Variants in CSGALNACT1 observed in about 807,000 individuals in gnomAD.
CSGALNACT1 encodes chondroitin sulfate N-acetylgalactosaminyltransferase 1, also known as beta4GalNAcT-1.
In CSGALNACT1, 52 loss-of-function variants were observed where a neutral mutation model predicts 51.0. That is an observed-to-expected ratio of 1.02 (90% CI 0.82 to 1.29). The LOEUF is 1.29. Ranked by LOEUF, CSGALNACT1 falls within the 50% of genes most tolerant of loss-of-function variation. CSGALNACT1 has a pLI of 0.00. For missense variants in CSGALNACT1, 935 were observed against 679.2 expected (o/e 1.38, Z -4.19); for synonymous variants, 341 against 254.4 (o/e 1.34, Z -3.24).
At chr8:19,742,881 C>T (rs1278710322) in intron 1 of CSGALNACT1, among the ~76,000 whole-genome samples, 2 of 152,236 alleles carry the variant, frequency 1.3e-5, no homozygotes, top group Non-Finnish European at 2.9e-5. Flanking sequence ...TGTTCCACTT[C>T]TGCCACTGGC....
chr8:19,422,599 T>C (rs565250902), intron 6 of CSGALNACT1, among the ~76,000 whole-genome samples: 56 of 152,248 alleles, frequency 3.7e-4, no homozygotes, highest in Admixed American at 2.6e-3. Context: ...GGTGCCCCCA[T>C]TGCACATTTT....
chr8:19,420,582 A>C, intron 6 of CSGALNACT1, 64 bp from the exon 6 acceptor site: 1 of 1,524,866 alleles, frequency 6.6e-7, no homozygotes, highest in Non-Finnish European at 9.1e-7. Context: ...CCCTGAGAAA[A>C]TATGTAATCA....
intron 1 of CSGALNACT1, among the ~76,000 whole-genome samples, chr8:19,667,009 A>G (rs1270677901): frequency 0.13 from 5,005 of 39,982 alleles, 835 homozygotes; most frequent in South Asian, 0.18. Flanking sequence ...GAAAGAAAGA[A>G]AGAAAGAAAG....
chr8:19,414,725 C>G (rs1213810853), intron 8 of CSGALNACT1, among the ~76,000 whole-genome samples: 2 of 152,186 alleles, frequency 1.3e-5, no homozygotes, highest in East Asian at 3.9e-4. Flanking sequence ...GATCCTATTT[C>G]AAAGGCTGCT....
At chr8:19,686,307 G>A (rs1321902865), upstream of CSGALNACT1, among the ~76,000 whole-genome samples, 2 of 151,700 alleles carry the variant, frequency 1.3e-5, no homozygotes, top group African/African-American at 4.8e-5. Flanking sequence ...CAGCTTAGAG[G>A]AAAAAAAACT....
chr8:19,462,813 C>CT (rs145999122), intron 4 of CSGALNACT1, among the ~76,000 whole-genome samples: 6,189 of 148,914 alleles, frequency 0.042, 208 homozygotes, highest in East Asian at 0.17. Context: ...CATCAGTTTT[C>CT]TTTTTTTTTT....
intron 1 of CSGALNACT1, among the ~76,000 whole-genome samples, chr8:19,693,621 G>C (rs2154216877): frequency 6.6e-6 from 1 of 152,194 alleles, no homozygotes; most frequent in East Asian, 1.9e-4. Context: ...CTCTGGACCT[G>C]TCTACAGGGA....
chr8:19,546,054 T>C (rs909981034), intron 3 of CSGALNACT1, among the ~76,000 whole-genome samples: 1 of 151,992 alleles, frequency 6.6e-6, no homozygotes, highest in South Asian at 2.1e-4. Flanking sequence ...GATCAAATTT[T>C]AATAGTCCTT....
intron 3 of CSGALNACT1, among the ~76,000 whole-genome samples, chr8:19,507,615 T>A (rs2077612677): frequency 6.6e-6 from 1 of 151,302 alleles, no homozygotes; most frequent in Non-Finnish European, 1.5e-5. Flanking sequence ...AATGAAACCT[T>A]CCTAAATGCA....
At chr8:19,620,650 G>T (rs1225413587) in intron 1 of CSGALNACT1, among the ~76,000 whole-genome samples, 1 of 152,104 alleles carries the variant, frequency 6.6e-6, no homozygotes, top group Admixed American at 6.5e-5. Flanking sequence ...GCCCAGGTAG[G>T]TCTTCAACTC....
chr8:19,522,866 A>G (rs954410418), intron 3 of CSGALNACT1, among the ~76,000 whole-genome samples: 1 of 152,244 alleles, frequency 6.6e-6, no homozygotes, highest in Non-Finnish European at 1.5e-5. Context: ...AAACAATAAA[A>G]GATTCTTCCC....
At chr8:19,697,247 C>T (rs1295844872) in intron 1 of CSGALNACT1, among the ~76,000 whole-genome samples, 2 of 152,002 alleles carry the variant, frequency 1.3e-5, no homozygotes, top group Non-Finnish European at 2.9e-5. Context: ...ACATCAGAGG[C>T]AAGCACTTGG....
At chr8:19,527,884 G>A (rs763687880) in intron 3 of CSGALNACT1, among the ~76,000 whole-genome samples, 5 of 152,154 alleles carry the variant, frequency 3.3e-5, no homozygotes, top group South Asian at 2.1e-4. Flanking sequence ...AGAGCTGTAC[G>A]CCAGAGAGGT....
At chr8:19,469,205 C>T (rs1459515016) in intron 4 of CSGALNACT1, among the ~76,000 whole-genome samples, 1 of 152,098 alleles carries the variant, frequency 6.6e-6, no homozygotes, top group East Asian at 1.9e-4. Context: ...GTCTGGGAAA[C>T]ACAGCAAGAC....
chr8:19,705,902 G>C (rs1224774498), intron 1 of CSGALNACT1, among the ~76,000 whole-genome samples: 1 of 152,080 alleles, frequency 6.6e-6, no homozygotes, highest in Non-Finnish European at 1.5e-5. Flanking sequence ...GACAGGGCAC[G>C]ACTAATTTTC....
chr8:19,685,222 G>C (rs2060903784), upstream of CSGALNACT1, among the ~76,000 whole-genome samples: 1 of 152,198 alleles, frequency 6.6e-6, no homozygotes, highest in Admixed American at 6.5e-5. Context: ...AAGATAATGG[G>C]AGTTTTTTCT....
At chr8:19,756,226 T>TAA (rs1554478028) in intron 1 of CSGALNACT1, among the ~76,000 whole-genome samples, 1 of 149,478 alleles carries the variant, frequency 6.7e-6, no homozygotes, top group Admixed American at 6.7e-5. Context: ...ATTTCCAGTT[T>TAA]AAAAAAAAAA....
chr8:19,491,276 TA>T (rs1404980754), intron 4 of CSGALNACT1, among the ~76,000 whole-genome samples: 1 of 152,238 alleles, frequency 6.6e-6, no homozygotes, highest in Non-Finnish European at 1.5e-5. Context: ...CGCAAAATTT[TA>T]CCAGTCTCCT....
chr8:19,502,480 G>T (rs1380651023), intron 4 of CSGALNACT1, among the ~76,000 whole-genome samples: 1 of 152,140 alleles, frequency 6.6e-6, no homozygotes, highest in Non-Finnish European at 1.5e-5. Context: ...AGCATGCCTT[G>T]AACTTTTCTT....
Sources: allele counts gnomAD v4.1 joint callset (sites outside exome capture counted in the v4.1 genomes callset), GRCh38; gene constraint gnomAD v4.1.1; transcripts MANE v1.5; gene names NCBI Gene and HGNC (gene_info 2026-07-23, HGNC 2026-07-21).